The following PHC2 variants were observed in gnomAD, a reference collection of about 807,000 sequenced individuals.
The protein encoded by PHC2 is polyhomeotic homolog 2, also known as polyhomeotic-like protein 2.
In PHC2, 29 loss-of-function variants were observed where a neutral mutation model predicts 87.4. That is an observed-to-expected ratio of 0.33 (90% confidence interval 0.25 to 0.45). PHC2 has a LOEUF of 0.45. Ranked by LOEUF, PHC2 falls within the 20% of genes least tolerant of loss-of-function variation. PHC2 has a pLI of 1.00. For missense variants in PHC2, 857 were observed against 1,136.7 expected (o/e 0.75, Z 3.54); for synonymous variants, 438 against 461.7 (o/e 0.95, Z 0.66).
At chr1:33,400,155 TA>T (rs774026623) in intron 1 of PHC2, among the ~76,000 whole-genome samples, 41 of 152,210 alleles carry the variant, frequency 2.7e-4, no homozygotes, top group Non-Finnish European at 5.3e-4. Flanking sequence ...AGGGCTGATG[TA>T]AGGTGAGTAA....
chr1:33,354,172 C>T lies in PHC2; in HGVS notation c.1558+229G>A, dbSNP rs117276113. Among the ~76,000 whole-genome samples, 115 of 152,314 alleles carry T rather than the reference C, an allele frequency of 7.6e-4. 1 individual carries two copies. The East Asian group carries it at 0.019, about 25-fold the overall frequency. ...TGCAGGTAGGCCCCAGTGTCTGGCT[C>T]TAGAACTTTCACCTCTTCTGTCTCC... On this transcript the variant is annotated intron_variant, in intron 9 of 14. Coordinates refer to ENST00000683057, the MANE Select transcript of PHC2 (RefSeq NM_001385109.1).
chr1:33,379,353 G>GC (rs1232614250), intron 1 of PHC2, among the ~76,000 whole-genome samples: 8 of 39,482 alleles, frequency 2.0e-4, no homozygotes, highest in African/African-American at 6.2e-4. Flanking sequence ...ACCGCCCCCT[G>GC]CCCCCCCCAT....
chr1:33,427,567 T>C (rs1162258208), intron 1 of PHC2, among the ~76,000 whole-genome samples: 3 of 151,412 alleles, frequency 2.0e-5, no homozygotes, highest in Non-Finnish European at 1.5e-5. Flanking sequence ...GCTTTTCATA[T>C]CCCCATGGCC....
At chr1:33,386,518 CA>C (rs1290868909) in intron 1 of PHC2, among the ~76,000 whole-genome samples, 7 of 145,084 alleles carry the variant, frequency 4.8e-5, no homozygotes, top group South Asian at 4.4e-4. Context: ...GACTCTGTCT[CA>C]AAAAAAAAAG....
chr1:33,411,155 T>C (rs1649965560), intron 1 of PHC2, among the ~76,000 whole-genome samples: 1 of 152,216 alleles, frequency 6.6e-6, no homozygotes, highest in Non-Finnish European at 1.5e-5. Context: ...AGAATTAAAA[T>C]TATTTTTCTG....
intron 1 of PHC2, among the ~76,000 whole-genome samples, chr1:33,400,040 A>G (rs767693115): frequency 6.6e-6 from 1 of 152,190 alleles, no homozygotes; most frequent in Admixed American, 6.5e-5. Context: ...GTAAAAAAAA[A>G]AAGTGATAAA....
chr1:33,355,502 G>A (rs1647054533), intron 7 of PHC2, among the ~76,000 whole-genome samples: 1 of 152,168 alleles, frequency 6.6e-6, no homozygotes, highest in Non-Finnish European at 1.5e-5. Context: ...CATCCCCAAA[G>A]CTCAACTCCT....
At chr1:33,357,219 G>C (rs1320762371) in intron 7 of PHC2, among the ~76,000 whole-genome samples, 1 of 152,220 alleles carries the variant, frequency 6.6e-6, no homozygotes, top group African/African-American at 2.4e-5. Context: ...CCTCATGCCA[G>C]TAAGGATAAA....
Position 33,355,316 on chromosome 1 carries a change from ACT to A in PHC2, c.977-65_977-64del. 3 of 1,413,476 alleles carry A rather than the reference ACT, an allele frequency of 2.1e-6. No individual in the cohort carries two copies. The South Asian group carries it at 4.3e-5, about 20-fold the overall frequency. The allele number at this position is 1,413,476 out of a possible 1,614,324, so 87.6% of individuals were successfully genotyped here. A position where few individuals can be genotyped will look rare whatever the true frequency, so the allele number is the denominator to read the frequency against. The stretch of plus-strand genomic sequence containing the variant: ...ACCTTCTCTTCTGCTGTGTCTTCCA[ACT>A]CTGCCCCTCCCGCATCCAAATAAAA... On this transcript the variant is annotated intron_variant, in intron 7 of 14. Transcript: ENST00000683057.
At chr1:33,365,946 A>T (rs975588677) in intron 7 of PHC2, among the ~76,000 whole-genome samples, 8 of 152,244 alleles carry the variant, frequency 5.3e-5, no homozygotes, top group Non-Finnish European at 1.2e-4. Flanking sequence ...TCTCTGACCC[A>T]TTCTGCCTGA....
rs1646576837 is a variant in PHC2, at chr1:33,334,358, G to A, written c.1559-66C>T. Reference sequence around the variant, plus strand: ...GAACCAGAGTCCACGCCCAGGGAGGGACAGCAAGGACTCAAACTGCGCCCG... The same window carrying A: ...GAACCAGAGTCCACGCCCAGGGAGGAACAGCAAGGACTCAAACTGCGCCCG... On this transcript the variant is annotated intron_variant, in intron 9 of 14. Coordinates refer to ENST00000683057, the MANE Select transcript of PHC2 (RefSeq NM_001385109.1). The surrounding 1 kb of genome is among the most constrained non-coding windows in gnomAD (Gnocchi z 5.5). 1.2e-5 allele frequency: 18 copies of A among 1,441,358 alleles called. No individual in the cohort carries two copies. Among genetic ancestry groups the A allele is most frequent in the South Asian group, 5.9e-5 (5 of 84,316 alleles). 89.3% of individuals were successfully genotyped at this position (1,441,358 alleles called of 1,614,324 possible).
Position 33,349,728 on chromosome 1 carries a change from G to A in PHC2, c.1558+4673C>T, listed in dbSNP as rs1475036859. On this transcript the variant is annotated intron_variant, in intron 9 of 14. Transcript: ENST00000683057. This position sits in a 1 kb window ranked among gnomAD's most constrained non-coding sequence, Gnocchi z 4.2. ...CGGGAGCCTCCGAGCCGGGGCCCGG[G>A]GCTGCCGCGGCGCATCCGACCGCAC... 3 of 995,382 alleles carry A rather than the reference G, an allele frequency of 3.0e-6. No homozygotes were observed. Among genetic ancestry groups the A allele is most frequent in the African/African-American group, 3.5e-5 (2 of 56,908 alleles). 61.7% of individuals were successfully genotyped at this position (995,382 alleles called of 1,614,324 possible). A position where few individuals can be genotyped will look rare whatever the true frequency, so the allele number is the denominator to read the frequency against.
intron 9 of PHC2, among the ~76,000 whole-genome samples, chr1:33,343,355 C>T (rs946285940): frequency 1.7e-4 from 25 of 150,924 alleles, no homozygotes; most frequent in South Asian, 4.2e-4. Flanking sequence ...CTGTAGTCCC[C>T]GCTACTCGGG....
intron 9 of PHC2, among the ~76,000 whole-genome samples, chr1:33,338,659 C>T (rs1210785432): frequency 1.3e-5 from 2 of 152,210 alleles, no homozygotes; most frequent in African/African-American, 4.8e-5. Flanking sequence ...CAGAAACCTG[C>T]CCTGCTGGCC....
At chr1:33,411,266 A>T (rs956991769) in intron 1 of PHC2, among the ~76,000 whole-genome samples, 1 of 152,210 alleles carries the variant, frequency 6.6e-6, no homozygotes, top group African/African-American at 2.4e-5. Flanking sequence ...TCACTAATCA[A>T]GAAATCTCAA....
chr1:33,358,963 G>C (rs748405625), intron 7 of PHC2: 1 of 152,168 alleles, frequency 6.6e-6, no homozygotes, highest in East Asian at 1.9e-4. Context: ...GAGCTCTTGA[G>C]TCAAAATGCT....
Position 33,330,232 on chromosome 1 carries a change from G to A in PHC2, c.2007-20C>T. ...TTGTACCTTCAGGGACAGGGGAACA[G>A]GGGATGTCACAGTAGTCATTGTGCT... is the stretch of plus-strand genomic sequence containing the variant. On this transcript the variant is annotated intron_variant, in intron 12 of 14. Coordinates refer to ENST00000683057, the MANE Select transcript of PHC2 (RefSeq NM_001385109.1). 2 of 1,604,684 alleles carry A rather than the reference G, an allele frequency of 1.2e-6. No homozygotes were observed. Among genetic ancestry groups the A allele is most frequent in the South Asian group, 1.1e-5 (1 of 90,792 alleles).
At chr1:33,377,306 G>A (rs1243958793) in intron 1 of PHC2, among the ~76,000 whole-genome samples, 1 of 152,174 alleles carries the variant, frequency 6.6e-6, no homozygotes, top group Non-Finnish European at 1.5e-5. Context: ...GGTTCACACT[G>A]CCCAGATCCA....
chr1:33,423,896 A>C lies in PHC2; in HGVS notation c.-55+7080T>G, dbSNP rs151110544. Reference sequence around the variant, plus strand: ...GGCAGATCACGAGGTCAGGAGTTCAACACCACCCTGGACAACGTGGTGAAA... The same window carrying C: ...GGCAGATCACGAGGTCAGGAGTTCACCACCACCCTGGACAACGTGGTGAAA... On this transcript the variant is annotated intron_variant, in intron 1 of 14. Coordinates refer to ENST00000683057, the MANE Select transcript of PHC2 (RefSeq NM_001385109.1). Among the ~76,000 whole-genome samples, 1,360 of 152,268 alleles carry C rather than the reference A, an allele frequency of 8.9e-3. 12 individuals carry two copies. The highest frequency in any genetic ancestry group is 0.027 in the Middle Eastern group (8 of 292).
Sources: gnomAD v4.1 joint callset for allele counts (sites outside exome capture counted in the v4.1 genomes callset) on GRCh38, gnomAD v4.1.1 for gene constraint, Gnocchi (gnomAD v3.1) non-coding constraint, MANE v1.5 for transcripts, NCBI Gene and HGNC (gene_info 2026-07-23, HGNC 2026-07-21) for gene names.